RALGPS2: variants seen among roughly 807,000 people sequenced by gnomAD.
RALGPS2 encodes ras-specific guanine nucleotide-releasing factor RalGPS2.
In RALGPS2, 43 loss-of-function variants were observed where a neutral mutation model predicts 86.8. That is an observed-to-expected ratio of 0.50 (90% CI 0.39 to 0.64). RALGPS2 has a LOEUF of 0.64. Among genes scored for constraint, RALGPS2 ranks in the 30% least tolerant of loss-of-function variants. The pLI, the probability that RALGPS2 is intolerant of heterozygous loss-of-function variation, is 0.00. For missense variants in RALGPS2, 536 were observed against 694.6 expected, an observed-to-expected ratio of 0.77 and a Z score of 2.57; for synonymous variants, 243 against 231.3, an observed-to-expected ratio of 1.05 and a Z score of -0.46.
chr1:178,759,297 A>G (rs1163094854), intron 1 of RALGPS2, among the ~76,000 whole-genome samples: 1 of 152,118 alleles, frequency 6.6e-6, no homozygotes, highest in Non-Finnish European at 1.5e-5. Flanking sequence ...ATGGATATCT[A>G]GTTTTCCCAG....
At chr1:178,838,820 T>C (rs1656425107) in intron 8 of RALGPS2, among the ~76,000 whole-genome samples, 1 of 152,164 alleles carries the variant, frequency 6.6e-6, no homozygotes, top group African/African-American at 2.4e-5. Context: ...AGTCCTTAAA[T>C]GACCTGATGG....
intron 1 of RALGPS2, among the ~76,000 whole-genome samples, chr1:178,741,322 C>T (rs1163183804): frequency 6.6e-6 from 1 of 152,240 alleles, no homozygotes; most frequent in South Asian, 2.1e-4. Context: ...CCAACTTGCC[C>T]AAGGTTATAC....
chr1:178,750,211 A>T (rs1651577245), intron 1 of RALGPS2, among the ~76,000 whole-genome samples: 1 of 152,186 alleles, frequency 6.6e-6, no homozygotes, highest in South Asian at 2.1e-4. Flanking sequence ...CAAAAAGTAA[A>T]TTAAAATCTA....
chr1:178,776,668 T>A lies in RALGPS2; in HGVS notation c.-83-14T>A. On this transcript the variant is annotated splice_polypyrimidine_tract_variant and intron_variant, in intron 1 of 19. Coordinates refer to ENST00000367635, the MANE Select transcript of RALGPS2 (RefSeq NM_152663.5). ...CGAGGAAGACATTTGCTTAACTTTT[T>A]TTTTTTTTTACAGGAATAATGTATT... 1.1e-6 allele frequency: 1 copy of A among 906,250 alleles called. No individual in the cohort carries two copies. The highest frequency in any genetic ancestry group is 2.0e-5 in the South Asian group (1 of 50,594). The allele number at this position is 906,250 out of a possible 1,614,324, so 56.1% of individuals were successfully genotyped here. A position where few individuals can be genotyped will look rare whatever the true frequency, so the allele number is the denominator to read the frequency against.
At chr1:178,833,276 CTTAT>C (rs1359212578) in intron 7 of RALGPS2, 144 bp from the exon 8 acceptor site, 2 of 689,640 alleles carry the variant, frequency 2.9e-6, no homozygotes, top group East Asian at 4.0e-5. Context: ...CTGATTTTGT[CTTAT>C]TTATATACTA....
chr1:178,847,990 A>G (rs961570879), intron 8 of RALGPS2, among the ~76,000 whole-genome samples: 36 of 152,268 alleles, frequency 2.4e-4, no homozygotes, highest in African/African-American at 7.5e-4. Context: ...AATAGAGTCT[A>G]TATCTGTTGT....
chr1:178,861,506 C>T (rs1658011743), intron 8 of RALGPS2, among the ~76,000 whole-genome samples: 1 of 150,232 alleles, frequency 6.7e-6, no homozygotes, highest in African/African-American at 2.4e-5. Flanking sequence ...TGGTATGTTT[C>T]ATTTTGTATA....
chr1:178,836,949 T>A (rs922157578), intron 8 of RALGPS2, among the ~76,000 whole-genome samples: 8 of 152,112 alleles, frequency 5.3e-5, no homozygotes, highest in African/African-American at 1.9e-4. Context: ...CAGCTAATTT[T>A]AAAATTTTTT....
At chr1:178,859,706 T>C (rs949356413) in intron 8 of RALGPS2, among the ~76,000 whole-genome samples, 1 of 139,928 alleles carries the variant, frequency 7.1e-6, no homozygotes, top group Admixed American at 7.0e-5. Context: ...TTTTTTTTTT[T>C]TTTTTTTTTT....
chr1:178,865,373 A>T, intron 8 of RALGPS2: 1 of 1,614,092 alleles, frequency 6.2e-7, no homozygotes, highest in Non-Finnish European at 8.5e-7. Flanking sequence ...TAATAATTGC[A>T]TATAGAGTTG....
chr1:178,856,234 T>C (rs563125318), intron 8 of RALGPS2, among the ~76,000 whole-genome samples: 31 of 128,784 alleles, frequency 2.4e-4, no homozygotes, highest in African/African-American at 9.8e-4. Flanking sequence ...TATATATATA[T>C]GGTTTTGGGT....
chr1:178,832,048 T>A (rs1240970912), intron 7 of RALGPS2, among the ~76,000 whole-genome samples: 2 of 152,206 alleles, frequency 1.3e-5, no homozygotes, highest in Non-Finnish European at 1.5e-5. Context: ...AGGTTTATCA[T>A]TATCCCTATG....
At chr1:178,867,439 AT>A (rs1242532875) in intron 8 of RALGPS2, among the ~76,000 whole-genome samples, 2 of 152,080 alleles carry the variant, frequency 1.3e-5, no homozygotes, top group Non-Finnish European at 2.9e-5. Context: ...AACTATTTGC[AT>A]TTATAACACT....
At chr1:178,788,677 G>A (rs954270131) in intron 4 of RALGPS2, among the ~76,000 whole-genome samples, 1 of 152,168 alleles carries the variant, frequency 6.6e-6, no homozygotes, top group African/African-American at 2.4e-5. Context: ...GAGGTAGGGT[G>A]AGGGCTAGAT....
At chr1:178,814,278 A>C (rs1333076940) in intron 6 of RALGPS2, among the ~76,000 whole-genome samples, 1 of 152,216 alleles carries the variant, frequency 6.6e-6, no homozygotes, top group Admixed American at 6.5e-5. Flanking sequence ...TGTATATATC[A>C]CAAATTATTC....
chr1:178,744,647 C>T (rs1024319633), intron 1 of RALGPS2, among the ~76,000 whole-genome samples: 5 of 151,760 alleles, frequency 3.3e-5, no homozygotes, highest in African/African-American at 9.7e-5. Flanking sequence ...AACCCCGTCT[C>T]TACTAATAAT....
chr1:178,848,971 A>G (rs1476639538), intron 8 of RALGPS2, among the ~76,000 whole-genome samples: 3 of 152,182 alleles, frequency 2.0e-5, no homozygotes, highest in African/African-American at 4.8e-5. Flanking sequence ...CACCTACTCT[A>G]TGCAAGGTGC....
At chr1:178,898,287 T>G (rs1450545966) in intron 17 of RALGPS2, among the ~76,000 whole-genome samples, 1 of 152,064 alleles carries the variant, frequency 6.6e-6, no homozygotes, top group Non-Finnish European at 1.5e-5. Context: ...AGAATGATTT[T>G]CTATGTTGCA....
At chr1:178,833,010 A>C (rs1327791143) in intron 7 of RALGPS2, among the ~76,000 whole-genome samples, 1 of 152,100 alleles carries the variant, frequency 6.6e-6, no homozygotes, top group Non-Finnish European at 1.5e-5. Context: ...GTTAATCGCA[A>C]AATTTGGTGT....
Sources: gnomAD v4.1 joint callset for allele counts (sites outside exome capture counted in the v4.1 genomes callset) on GRCh38, gnomAD v4.1.1 for gene constraint, MANE v1.5 for transcripts, NCBI Gene and HGNC (gene_info 2026-07-23, HGNC 2026-07-21) for gene names.